Variants in CALN1 observed in about 807,000 individuals in gnomAD.
The protein encoded by CALN1 is calneuron 1.
Under a neutral mutation model 30.6 loss-of-function variants are expected in CALN1, and 17 were observed. The observed-to-expected ratio is 0.56, with a 90% confidence interval of 0.38 to 0.83. CALN1 has a LOEUF of 0.83. Among genes scored for constraint, CALN1 ranks in the 40% least tolerant of loss-of-function variants. CALN1 has a pLI of 0.00. For synonymous variants in CALN1, 156 were observed against 131.4 expected (o/e 1.19, Z -1.28); for missense variants, 291 against 354.9 (o/e 0.82, Z 1.45).
intron 5 of CALN1, among the ~76,000 whole-genome samples, chr7:71,978,813 T>C (rs1798240000): frequency 1.3e-5 from 2 of 152,368 alleles, no homozygotes; most frequent in South Asian, 4.1e-4. Flanking sequence ...ATCCTATCAC[T>C]GTAGTACATT....
In CALN1 at chr7:72,094,672, C is replaced by G. The variant is rs151200009; in HGVS notation, c.388+11479G>C. Among the ~76,000 whole-genome samples the G allele has an allele frequency of 1.4e-3, 206 of 152,236 alleles. 1 individual carries two copies. The highest frequency in any genetic ancestry group is 4.7e-3 in the African/African-American group (197 of 41,526). ...GTGTTAATAAGATGGAGATGGCATA[C>G]CTTCCTGGGCATACTGTAGAAGACA... is the stretch of plus-strand genomic sequence containing the variant. On this transcript the variant is annotated intron_variant, in intron 4 of 6. Coordinates refer to ENST00000395275, the MANE Select transcript of CALN1 (RefSeq NM_031468.4).
intron 5 of CALN1, among the ~76,000 whole-genome samples, chr7:71,898,017 G>T (rs1298291708): frequency 3.9e-5 from 3 of 77,236 alleles, no homozygotes; most frequent in Non-Finnish European, 8.0e-5. Context: ...GGGAGGGGGG[G>T]GGAGAGAGAG....
intron 2 of CALN1, among the ~76,000 whole-genome samples, chr7:72,368,574 A>T (rs1366658464): frequency 6.6e-6 from 1 of 152,144 alleles, no homozygotes; most frequent in Non-Finnish European, 1.5e-5. Flanking sequence ...AAGAAAAATC[A>T]TCAAAAATGA....
At chr7:71,850,318 C>A (rs1297138090) in intron 5 of CALN1, among the ~76,000 whole-genome samples, 1 of 152,112 alleles carries the variant, frequency 6.6e-6, no homozygotes, top group Non-Finnish European at 1.5e-5. Flanking sequence ...CGGGTTCAAG[C>A]GATTCTCCTG....
chr7:71,914,421 G>A (rs568928333), intron 5 of CALN1, among the ~76,000 whole-genome samples: 1 of 152,278 alleles, frequency 6.6e-6, no homozygotes, highest in South Asian at 2.1e-4. Context: ...CCATGGTGTA[G>A]ATGTACCACA....
the CALN1 span, among the ~76,000 whole-genome samples, chr7:72,473,189 G>T: frequency 6.6e-6 from 1 of 151,524 alleles, no homozygotes; most frequent in African/African-American, 2.4e-5. Flanking sequence ...GGATTCAAGC[G>T]ATCCACCCAC....
At chr7:71,859,203 C>T (rs1196572830) in intron 5 of CALN1, among the ~76,000 whole-genome samples, 2 of 152,134 alleles carry the variant, frequency 1.3e-5, no homozygotes, top group Non-Finnish European at 2.9e-5. Context: ...GCTGGGATTA[C>T]AGGCATGTAC....
chr7:72,027,750 C>CACAG (rs1801165694), intron 4 of CALN1, among the ~76,000 whole-genome samples: 1 of 149,760 alleles, frequency 6.7e-6, no homozygotes, highest in East Asian at 2.0e-4. Context: ...CACACACACA[C>CACAG]ACACACACAA....
At chr7:71,942,391 A>G (rs988511444) in intron 5 of CALN1, 4 of 173,162 alleles carry the variant, frequency 2.3e-5, no homozygotes, top group East Asian at 1.9e-4. Context: ...CAGCATCCGC[A>G]GTGTAAAAGG....
At chr7:72,407,023 C>T (rs1210480436) in intron 1 of CALN1, among the ~76,000 whole-genome samples, 1 of 152,190 alleles carries the variant, frequency 6.6e-6, no homozygotes, top group Non-Finnish European at 1.5e-5. Context: ...CAGTAGGAGG[C>T]ACTCTTATCC....
chr7:72,103,721 G>A (rs1361096221), intron 4 of CALN1, among the ~76,000 whole-genome samples: 1 of 152,074 alleles, frequency 6.6e-6, no homozygotes, highest in Non-Finnish European at 1.5e-5. Flanking sequence ...AGAATAAGCT[G>A]CAGGTCATTT....
intron 4 of CALN1, among the ~76,000 whole-genome samples, chr7:72,042,026 T>C (rs1007263620): frequency 6.6e-6 from 1 of 152,170 alleles, no homozygotes; most frequent in Non-Finnish European, 1.5e-5. Flanking sequence ...AACAAACTAA[T>C]ACAGAGTAGC....
At chr7:72,054,520 C>CATATAT (rs373442972) in intron 4 of CALN1, among the ~76,000 whole-genome samples, 2 of 117,630 alleles carry the variant, frequency 1.7e-5, no homozygotes, top group African/African-American at 7.9e-5. Context: ...CATATATATA[C>CATATAT]ATATATACAT....
Position 71,780,752 on chromosome 7 carries a change from G to A in CALN1, c.*7023C>T, listed in dbSNP as rs1319938134. On this transcript the variant is annotated 3_prime_UTR_variant, in exon 7 of 7. Coordinates refer to ENST00000395275, the MANE Select transcript of CALN1 (RefSeq NM_031468.4). ...TGGAAATTGTGCTCTTTATTCAGTA[G>A]CTTTCAGTAAGGCTTTCTCAAATGG... 2.6e-5 allele frequency: 4 copies of A among 151,470 alleles called. No homozygotes were observed. Among genetic ancestry groups the A allele is most frequent in the African/African-American group, 9.7e-5 (4 of 41,236 alleles). 9.4% of individuals were successfully genotyped at this position (151,470 alleles called of 1,614,324 possible).
chr7:72,032,243 A>G (rs1040699286), intron 4 of CALN1, among the ~76,000 whole-genome samples: 1 of 150,700 alleles, frequency 6.6e-6, no homozygotes, highest in Non-Finnish European at 1.5e-5. Flanking sequence ...TATTTTTAGC[A>G]GAGATGGGGT....
intron 3 of CALN1, among the ~76,000 whole-genome samples, chr7:72,267,516 A>G (rs1796676891): frequency 6.6e-6 from 1 of 152,188 alleles, no homozygotes; most frequent in Non-Finnish European, 1.5e-5. Flanking sequence ...GATATATGTG[A>G]TGGTGACATG....
At chr7:72,058,073 A>G (rs1803383708) in intron 4 of CALN1, among the ~76,000 whole-genome samples, 1 of 152,076 alleles carries the variant, frequency 6.6e-6, no homozygotes, top group Admixed American at 6.6e-5. Flanking sequence ...ATTTCACGCA[A>G]AATTAGAATT....
intron 5 of CALN1, among the ~76,000 whole-genome samples, chr7:71,927,252 C>T (rs1795317143): frequency 6.6e-6 from 1 of 152,134 alleles, no homozygotes; most frequent in Admixed American, 6.5e-5. Context: ...CTCTGTTGCC[C>T]AGGCTGGAGT....
At chr7:72,072,500 A>C (rs1804466817) in intron 4 of CALN1, among the ~76,000 whole-genome samples, 1 of 152,244 alleles carries the variant, frequency 6.6e-6, no homozygotes, top group South Asian at 2.1e-4. Flanking sequence ...TTGCCCTGCA[A>C]CAGATACTAA....
Sources: allele counts gnomAD v4.1 joint callset (sites outside exome capture counted in the v4.1 genomes callset), GRCh38; gene constraint gnomAD v4.1.1; transcripts MANE v1.5; gene names NCBI Gene and HGNC (gene_info 2026-07-23, HGNC 2026-07-21).